Variants in ZKSCAN1 observed in about 807,000 individuals in gnomAD.
The protein encoded by ZKSCAN1 is zinc finger protein with KRAB and SCAN domains 1.
Under a neutral mutation model 51.6 loss-of-function variants are expected in ZKSCAN1, and 14 were observed. The observed-to-expected ratio is 0.27, with a 90% CI of 0.18 to 0.42. The LOEUF is 0.42. Among genes scored for constraint, ZKSCAN1 ranks in the 10% least tolerant of loss-of-function variants. The probability of loss-of-function intolerance (pLI) is 1.00; values close to 1 mark genes in which losing one functional copy is unlikely to be tolerated. For synonymous variants in ZKSCAN1, 263 were observed against 261.5 expected (o/e 1.01, Z -0.06); for missense variants, 531 against 710.0 (o/e 0.75, Z 2.86).
At chr7:100,043,063 G>A (rs1404153680), downstream of ZKSCAN1, among the ~76,000 whole-genome samples, 4 of 151,998 alleles carry the variant, frequency 2.6e-5, no homozygotes, top group Admixed American at 2.0e-4. Context: ...GCCTCCCAAA[G>A]TGCTGGGATT....
In ZKSCAN1 at chr7:100,041,232, C is replaced by T. The variant is rs1791580733; in HGVS notation, c.*7035C>T. 1.2e-6 allele frequency: 1 copy of T among 832,350 alleles called. No individual in the cohort carries two copies. The highest frequency in any genetic ancestry group is 1.4e-6 in the Non-Finnish European group (1 of 690,586). The allele number at this position is 832,350 out of a possible 1,614,324, so 51.6% of individuals were successfully genotyped here. Reference sequence around the variant, plus strand: ...AGAAACGTGCTTGTCTCTGTATACCCGCAGAATGAAGTTACTGTTGTTAAA... The same window carrying T: ...AGAAACGTGCTTGTCTCTGTATACCTGCAGAATGAAGTTACTGTTGTTAAA... On this transcript the variant is annotated 3_prime_UTR_variant, in exon 6 of 6. Coordinates refer to ENST00000324306, the MANE Select transcript of ZKSCAN1 (RefSeq NM_003439.4).
In ZKSCAN1 at chr7:100,036,574, C is replaced by T. The variant is rs1008721278; in HGVS notation, c.*2377C>T. 22 of 747,772 alleles carry T rather than the reference C, an allele frequency of 2.9e-5. No homozygotes were observed. The highest frequency in any genetic ancestry group is 2.7e-4 in the African/African-American group (14 of 52,268). The allele number at this position is 747,772 out of a possible 1,614,324, so 46.3% of individuals were successfully genotyped here. ...CTCTACTAAAATTATAAAAATTAGCCGGGCATGATGGTGGGCACCTGTAAT... is the reference window on the plus strand; with the variant it reads ...CTCTACTAAAATTATAAAAATTAGCTGGGCATGATGGTGGGCACCTGTAAT... On this transcript the variant is annotated 3_prime_UTR_variant, in exon 6 of 6. Transcript: ENST00000324306.
In ZKSCAN1 at chr7:100,035,755, G is replaced by A. The variant is rs951385919; in HGVS notation, c.*1558G>A. The A allele has an allele frequency of 1.0e-5, 8 of 773,140 alleles. No homozygotes were observed. Among genetic ancestry groups the A allele is most frequent in the African/African-American group, 7.5e-5 (4 of 53,064 alleles). The allele number at this position is 773,140 out of a possible 1,614,324, so 47.9% of individuals were successfully genotyped here. On this transcript the variant is annotated 3_prime_UTR_variant, in exon 6 of 6. Transcript: ENST00000324306. ...TCTGTTTCTTATCACTAAAGACTGA[G>A]GTGAGGTTATGAAACTTTCATTGGT...
At chr7:100,032,937 G>A (rs1421063255) in intron 5 of ZKSCAN1, among the ~76,000 whole-genome samples, 1 of 152,014 alleles carries the variant, frequency 6.6e-6, no homozygotes, top group African/African-American at 2.4e-5. Context: ...CAACCTGGGA[G>A]GCGGAGCTTG....
rs1005549034 is a variant in ZKSCAN1, at chr7:100,036,006, T to C, written c.*1809T>C. The C allele has an allele frequency of 6.5e-5, 64 of 985,306 alleles. No individual in the cohort carries two copies. The highest frequency in any genetic ancestry group is 6.9e-5 in the Non-Finnish European group (57 of 829,942). The allele number at this position is 985,306 out of a possible 1,614,324, so 61.0% of individuals were successfully genotyped here. ...TAACAAGAGAACCCCATATATAGTT[T>C]GAGACTTTCCCTTGAGAAACTTATA... On this transcript the variant is annotated 3_prime_UTR_variant, in exon 6 of 6. Coordinates refer to ENST00000324306, the MANE Select transcript of ZKSCAN1 (RefSeq NM_003439.4).
chr7:100,044,740 T>A, downstream of ZKSCAN1: 4 of 815,716 alleles, frequency 4.9e-6, no homozygotes, highest in Non-Finnish European at 5.9e-6. Flanking sequence ...GAAGTTTAAC[T>A]CCACCATTCC....
At chr7:100,018,398 CA>C (rs1790462394) in intron 1 of ZKSCAN1, among the ~76,000 whole-genome samples, 1 of 151,678 alleles carries the variant, frequency 6.6e-6, no homozygotes, top group African/African-American at 2.4e-5. Flanking sequence ...AAAGAAACAT[CA>C]TGAGAAATTT....
Position 100,037,799 on chromosome 7 carries a change from C to T in ZKSCAN1, c.*3602C>T, listed in dbSNP as rs1791426412. 4 of 874,146 alleles carry T rather than the reference C, an allele frequency of 4.6e-6. No homozygotes were observed. The highest frequency in any genetic ancestry group is 5.5e-6 in the Non-Finnish European group (4 of 728,996). 54.1% of individuals were successfully genotyped at this position (874,146 alleles called of 1,614,324 possible). On this transcript the variant is annotated 3_prime_UTR_variant, in exon 6 of 6. Coordinates refer to ENST00000324306, the MANE Select transcript of ZKSCAN1 (RefSeq NM_003439.4). The stretch of plus-strand genomic sequence containing the variant: ...TTGGGAGGCCGAGGCAGGCGGATCA[C>T]GAGGTCAGTAGTTCGAGACCAGCCT...
chr7:100,034,158 C>A lies in ZKSCAN1; in HGVS notation c.1653C>A (p.Ser551=), dbSNP rs564787389. The change falls in exon 6 of 6, where the codon TCC becomes TCA. Residue 551 remains serine, a synonymous_variant. Coordinates refer to ENST00000324306, the MANE Select transcript of ZKSCAN1 (RefSeq NM_003439.4). ...RERASEYSPA[S]LDAFGAFLKS... ...GAGCCTCTGAGTACAGCCCAGCCTC[C>A]CTTGATGCATTTGGCGCGTTCCTGA... 11 of 1,535,106 alleles carry A rather than the reference C, an allele frequency of 7.2e-6. No individual in the cohort carries two copies. In the East Asian group the frequency reaches 2.3e-4, roughly 32 times the overall value.
At chr7:100,031,158 G>A (rs995692466) in intron 5 of ZKSCAN1, among the ~76,000 whole-genome samples, 3 of 152,052 alleles carry the variant, frequency 2.0e-5, no homozygotes, top group African/African-American at 4.8e-5. Flanking sequence ...GGCAAAGGGA[G>A]TGTGAATAAA....
chr7:100,041,716 C>CT (rs1197547698), downstream of ZKSCAN1: 2 of 985,128 alleles, frequency 2.0e-6, no homozygotes, highest in African/African-American at 3.5e-5. Flanking sequence ...GTTTTTTGTT[C>CT]TTTGTTTTTC....
chr7:100,037,147 CGCTT>C lies in ZKSCAN1; in HGVS notation c.*2953_*2956del, dbSNP rs773342735. On this transcript the variant is annotated 3_prime_UTR_variant, in exon 6 of 6. Transcript: ENST00000324306. Reference sequence around the variant, plus strand: ...AGTGTAATTGGGTCATGGTCAAAAACGCTTGCAACATCTAATTGGCGTTCAAGAT... The same window carrying C: ...AGTGTAATTGGGTCATGGTCAAAAACGCAACATCTAATTGGCGTTCAAGAT... The C allele has an allele frequency of 5.7e-5, 56 of 985,432 alleles. No individual in the cohort carries two copies. Among genetic ancestry groups the C allele is most frequent in the Admixed American group, 4.3e-4 (7 of 16,276 alleles). The allele number at this position is 985,432 out of a possible 1,614,324, so 61.0% of individuals were successfully genotyped here. A position where few individuals can be genotyped will look rare whatever the true frequency, so the allele number is the denominator to read the frequency against.
rs1310846342 is a variant in ZKSCAN1, at chr7:100,033,726, T to C, written c.1221T>C (p.Cys407=). 6.2e-7 allele frequency: 1 copy of C among 1,614,198 alleles called. No homozygotes were observed. ...IIHTGEKPYE[C]SECGKAFSLN... is the part of the protein sequence containing the mutation. Reference sequence around the variant, plus strand: ...ACACTGGAGAAAAGCCCTATGAATGTAGTGAGTGTGGGAAAGCCTTCAGTC... The same window carrying C: ...ACACTGGAGAAAAGCCCTATGAATGCAGTGAGTGTGGGAAAGCCTTCAGTC... The change falls in exon 6 of 6, where the codon TGT becomes TGC. Residue 407 remains cysteine, a synonymous_variant. Coordinates refer to ENST00000324306, the MANE Select transcript of ZKSCAN1 (RefSeq NM_003439.4). This position sits in a 1 kb window ranked among gnomAD's most constrained non-coding sequence, Gnocchi z 4.1.
At position 100,023,537 on chromosome 7, in the gene ZKSCAN1, G is replaced by C. The variant is rs776867082; in HGVS notation, c.31G>C (p.Gly11Arg). Reference sequence around the variant, plus strand: ...GACTGCTGAATCACGGGAAGCCACGGGTCTGTCCCCACAGGCTGCACAGGA... The same window carrying C: ...GACTGCTGAATCACGGGAAGCCACGCGTCTGTCCCCACAGGCTGCACAGGA... Reference protein sequence around the residue: MMTAESREATGLSPQAAQEKD... With the variant: MMTAESREATRLSPQAAQEKD... Residue 11 changes from glycine to arginine, a missense_variant, in exon 2 of 6, where the codon GGT (glycine) becomes CGT (arginine). Physicochemically the swap from Gly to Arg is moderately radical, Grantham distance 125 (BLOSUM62 -2). Coordinates refer to ENST00000324306, the MANE Select transcript of ZKSCAN1 (RefSeq NM_003439.4). The C allele has an allele frequency of 6.2e-7, 1 of 1,612,820 alleles. No homozygotes were observed. The highest frequency in any genetic ancestry group is 2.2e-5 in the East Asian group (1 of 44,876).
chr7:100,020,146 T>A (rs775046240), intron 1 of ZKSCAN1, among the ~76,000 whole-genome samples: 1 of 152,184 alleles, frequency 6.6e-6, no homozygotes, highest in Non-Finnish European at 1.5e-5. Context: ...AGAGGGTTCT[T>A]GAACAGTGAT....
chr7:100,024,545 A>C (rs920910293), intron 3 of ZKSCAN1: 3 of 492,204 alleles, frequency 6.1e-6, no homozygotes, highest in African/African-American at 5.9e-5. Flanking sequence ...AGTGAGCTGT[A>C]ATCATGCCAC....
chr7:100,026,695 A>T (rs1441493426), intron 3 of ZKSCAN1, among the ~76,000 whole-genome samples: 1 of 152,104 alleles, frequency 6.6e-6, no homozygotes, highest in African/African-American at 2.4e-5. Context: ...ACTGCACTCC[A>T]GCCTGGGTGA....
In ZKSCAN1 at chr7:100,023,646, C is replaced by T. The variant is rs769975108; in HGVS notation, c.140C>T (p.Thr47Met). 16 of 1,613,990 alleles carry T rather than the reference C, an allele frequency of 9.9e-6. No individual in the cohort carries two copies. In the African/African-American group the frequency reaches 1.3e-4, roughly 13 times the overall value. ...MWGQDSTLQD[T>M]PPPDPEIFRQ... Reference sequence around the variant, plus strand: ...GGGCAGGATTCCACCCTACAGGACACGCCTCCTCCAGACCCAGAGATATTC... The same window carrying T: ...GGGCAGGATTCCACCCTACAGGACATGCCTCCTCCAGACCCAGAGATATTC... Residue 47 changes from threonine to methionine, a missense_variant, in exon 2 of 6, where the codon ACG becomes ATG. Thr to Met is a moderately conservative substitution (Grantham distance 81). Transcript: ENST00000324306.
chr7:100,032,450 C>T (rs1239477468), intron 5 of ZKSCAN1, among the ~76,000 whole-genome samples: 1 of 152,198 alleles, frequency 6.6e-6, no homozygotes, highest in Non-Finnish European at 1.5e-5. Flanking sequence ...CCTTACTCTC[C>T]ACTCTTTGCC....
Sources: allele counts gnomAD v4.1 joint callset (sites outside exome capture counted in the v4.1 genomes callset), GRCh38; gene constraint gnomAD v4.1.1; non-coding constraint Gnocchi (gnomAD v3.1); transcripts MANE v1.5; gene names NCBI Gene and HGNC (gene_info 2026-07-23, HGNC 2026-07-21).